The following STARD3 variants were observed in gnomAD, a reference collection of about 807,000 sequenced individuals.
STARD3 encodes the protein stAR-related lipid transfer protein 3.
A neutral mutation model predicts 62.0 loss-of-function variants in STARD3; 39 were observed. That is an observed-to-expected ratio of 0.63 (90% CI 0.49 to 0.82). STARD3 has a LOEUF of 0.82. Ranked by LOEUF, STARD3 falls within the 40% of genes least tolerant of loss-of-function variation. STARD3 has a pLI of 0.00. For synonymous variants in STARD3, 229 were observed against 242.4 expected, an observed-to-expected ratio of 0.94 and a Z score of 0.51; for missense variants, 543 against 584.5, an observed-to-expected ratio of 0.93 and a Z score of 0.73.
intron 1 of STARD3, among the ~76,000 whole-genome samples, chr17:39,645,862 G>A (rs1292272272): frequency 7.4e-6 from 1 of 134,556 alleles, no homozygotes; most frequent in Non-Finnish European, 1.5e-5. Flanking sequence ...ACCCATCCCT[G>A]TGACATAGGG....
Position 39,660,488 on chromosome 17 carries a change from A to G in STARD3, c.916A>G (p.Arg306Gly), listed in dbSNP as rs773234200. The G allele has an allele frequency of 6.2e-7, 1 of 1,613,814 alleles. No homozygotes were observed. The highest frequency in any genetic ancestry group is 8.5e-7 in the Non-Finnish European group (1 of 1,179,998). The change falls in exon 11 of 15, where the codon AGG becomes GGG. Residue 306 changes from arginine (R) to glycine (G), a missense_variant. Transcript: ENST00000336308. This position sits in a 1 kb window ranked among gnomAD's most constrained non-coding sequence, Gnocchi z 4.8. ...VYQEVILQPE[R>G]MVLWNKTVTA... ...CCAGGAGGTGATCCTGCAGCCCGAG[A>G]GGATGGTGCTGTGGAACAAGACAGT... is the stretch of plus-strand genomic sequence containing the variant.
chr17:39,645,393 G>A (rs961496977), intron 1 of STARD3, among the ~76,000 whole-genome samples: 5 of 152,120 alleles, frequency 3.3e-5, no homozygotes, highest in African/African-American at 9.7e-5. Flanking sequence ...CGCCTTTTGG[G>A]GTGATTTTTA....
Position 39,660,398 on chromosome 17 carries a change from G to A in STARD3, c.859-33G>A. 1.2e-6 allele frequency: 2 copies of A among 1,612,614 alleles called. No homozygotes were observed. The highest frequency in any genetic ancestry group is 1.7e-6 in the Non-Finnish European group (2 of 1,179,272). On this transcript the variant is annotated intron_variant, in intron 10 of 14. Coordinates refer to ENST00000336308, the MANE Select transcript of STARD3 (RefSeq NM_006804.4). This position sits in a 1 kb window ranked among gnomAD's most constrained non-coding sequence, Gnocchi z 4.8. ...AGGGTTGGTCTGCCCGAGCCCATCTGGCACCACCCAGCCCTCTGCCGCCCT... is the reference window on the plus strand; with the variant it reads ...AGGGTTGGTCTGCCCGAGCCCATCTAGCACCACCCAGCCCTCTGCCGCCCT...
At chr17:39,656,559 G>T (rs1197692019) in intron 2 of STARD3, among the ~76,000 whole-genome samples, 1 of 152,132 alleles carries the variant, frequency 6.6e-6, no homozygotes, top group Non-Finnish European at 1.5e-5. Context: ...GCCACCTGAG[G>T]CTCCGTCTGA....
intron 14 of STARD3, chr17:39,662,603 C>A: frequency 1.6e-6 from 1 of 640,596 alleles, no homozygotes. Flanking sequence ...CGGCCCCACC[C>A]TGGTCTGTTT....
At position 39,646,188 on chromosome 17, in the gene STARD3, G is replaced by A. The variant is rs192075282; in HGVS notation, c.-51-7293G>A. The stretch of plus-strand genomic sequence containing the variant: ...TTATAGGTGTGAGCCACCGTGTCTG[G>A]CTTCTTGCCTTTTCTTGTCATGGTA... On this transcript the variant is annotated intron_variant, in intron 1 of 14. Coordinates refer to ENST00000336308, the MANE Select transcript of STARD3 (RefSeq NM_006804.4). Among the ~76,000 whole-genome samples, 15 of 152,176 alleles carry A rather than the reference G, an allele frequency of 9.9e-5. 1 individual carries two copies. The East Asian group carries it at 2.7e-3, about 27-fold the overall frequency.
intron 9 of STARD3, 156 bp downstream of exon 9, chr17:39,659,709 G>C (rs1336512228): frequency 1.3e-6 from 1 of 759,222 alleles, no homozygotes; most frequent in African/African-American, 1.8e-5. Context: ...AGGAGGCTGG[G>C]CTGGATTGGA....
At chr17:39,640,689 G>T (rs2056975803) in intron 1 of STARD3, among the ~76,000 whole-genome samples, 1 of 152,202 alleles carries the variant, frequency 6.6e-6, no homozygotes, top group South Asian at 2.1e-4. Flanking sequence ...TGGGTCAGGG[G>T]TCATGGAATC....
At chr17:39,654,530 C>T (rs1447250522) in intron 2 of STARD3, among the ~76,000 whole-genome samples, 1 of 151,254 alleles carries the variant, frequency 6.6e-6, no homozygotes, top group Non-Finnish European at 1.5e-5. Context: ...CCCCACCCCA[C>T]GCAGTGCTTG....
At chr17:39,644,946 A>C (rs1186797738) in intron 1 of STARD3, among the ~76,000 whole-genome samples, 8 of 152,068 alleles carry the variant, frequency 5.3e-5, no homozygotes, top group Non-Finnish European at 1.2e-4. Context: ...GCCTCCCTGA[A>C]GAAAGGTGTC....
chr17:39,653,235 G>A (rs1158982130), intron 1 of STARD3: 1 of 502,578 alleles, frequency 2.0e-6, no homozygotes, highest in Non-Finnish European at 3.6e-6. Flanking sequence ...CCCTCCAGGG[G>A]TGAACCCTGT....
intron 1 of STARD3, among the ~76,000 whole-genome samples, chr17:39,650,761 C>T (rs535364634): frequency 1.3e-5 from 2 of 152,302 alleles, no homozygotes; most frequent in South Asian, 4.1e-4. Flanking sequence ...CTGCAGTGAG[C>T]CATGATCGTG....
At position 39,659,590 on chromosome 17, in the gene STARD3, G is replaced by T. The variant is rs746745352; in HGVS notation, c.795+37G>T. The T allele has an allele frequency of 9.4e-6, 15 of 1,600,312 alleles. No individual in the cohort carries two copies. The South Asian group carries it at 1.7e-4, about 18-fold the overall frequency. ...TCTCCCACCTGACCTTCCCATGCGT[G>T]TTAGGAGTTTCTGTTCTCTTTTCTG... On this transcript the variant is annotated intron_variant, in intron 9 of 14. Coordinates refer to ENST00000336308, the MANE Select transcript of STARD3 (RefSeq NM_006804.4).
chr17:39,655,851 G>A (rs1351720926), intron 2 of STARD3, among the ~76,000 whole-genome samples: 1 of 152,008 alleles, frequency 6.6e-6, no homozygotes, highest in African/African-American at 2.4e-5. Flanking sequence ...CTGAGACTTG[G>A]CTCTCCCGAG....
At chr17:39,662,201 C>T (rs370023616) in intron 13 of STARD3, 50 bp from the exon 14 acceptor site, 2 of 1,554,190 alleles carry the variant, frequency 1.3e-6, no homozygotes, top group Non-Finnish European at 1.8e-6. Context: ...GGGGGGGTGT[C>T]AGGGCCTCAC....
rs2057177896 is a variant in STARD3 at position 39,660,050 on chromosome 17, T to C, written c.796-161T>C. 1.5e-6 allele frequency: 1 copy of C among 668,754 alleles called. No homozygotes were observed. The highest frequency in any genetic ancestry group is 2.6e-6 in the Non-Finnish European group (1 of 377,518). The allele number at this position is 668,754 out of a possible 1,614,324, so 41.4% of individuals were successfully genotyped here. On this transcript the variant is annotated intron_variant, in intron 9 of 14. Transcript: ENST00000336308. The surrounding 1 kb of genome is among the most constrained non-coding windows in gnomAD (Gnocchi z 4.8). The stretch of plus-strand genomic sequence containing the variant: ...CTCTCCTGCCAGTGCCATAGGTTTG[T>C]TAGAGCTACTGTTTTGTAACAGCTG...
Position 39,663,210 on chromosome 17 carries a change from C to T in STARD3, c.*302C>T, listed in dbSNP as rs1340762881. Reference sequence around the variant, plus strand: ...CCAGGGCAGGGTCTGGGCTGGGCACCTGACTTGGCTGGGGAGGACCAGGGC... The same window carrying T: ...CCAGGGCAGGGTCTGGGCTGGGCACTTGACTTGGCTGGGGAGGACCAGGGC... On this transcript the variant is annotated 3_prime_UTR_variant, in exon 15 of 15. Transcript: ENST00000336308. 2 of 414,956 alleles carry T rather than the reference C, an allele frequency of 4.8e-6. No homozygotes were observed. The highest frequency in any genetic ancestry group is 2.1e-5 in the African/African-American group (1 of 48,776). 25.7% of individuals were successfully genotyped at this position (414,956 alleles called of 1,614,324 possible).
Position 39,653,489 on chromosome 17 carries a change from C to T in STARD3, c.-43C>T. ...CTCTGCCTCGCCCCCAGCCCTGCTG[C>T]TGAGGCCGCGCCCTCCCCGCCCTGA... On this transcript the variant is annotated 5_prime_UTR_variant, in exon 2 of 15. Transcript: ENST00000336308. The T allele has an allele frequency of 6.3e-7, 1 of 1,588,906 alleles. No homozygotes were observed. Among genetic ancestry groups the T allele is most frequent in the South Asian group, 1.1e-5 (1 of 90,466 alleles).
intron 1 of STARD3, among the ~76,000 whole-genome samples, chr17:39,646,058 T>G (rs1255896715): frequency 6.6e-6 from 1 of 151,268 alleles, no homozygotes; most frequent in Admixed American, 6.6e-5. Flanking sequence ...CACCCGGCTA[T>G]TTTTTGTAAT....
Sources: gnomAD v4.1 joint callset for allele counts (sites outside exome capture counted in the v4.1 genomes callset) on GRCh38, gnomAD v4.1.1 for gene constraint, Gnocchi (gnomAD v3.1) non-coding constraint, MANE v1.5 for transcripts, NCBI Gene and HGNC (gene_info 2026-07-23, HGNC 2026-07-21) for gene names.